The following RUNX2 variants were observed in gnomAD, a reference collection of about 807,000 sequenced individuals.
The protein encoded by RUNX2 is RUNX family transcription factor 2.
Under a neutral mutation model 51.7 loss-of-function variants are expected in RUNX2, and 10 were observed. The ratio of observed to expected loss-of-function variants is 0.19; its 90% CI spans 0.12 to 0.33. RUNX2 has a LOEUF of 0.33. Among genes scored for constraint, RUNX2 ranks in the 10% least tolerant of loss-of-function variants. The probability of loss-of-function intolerance (pLI) is 1.00; values close to 1 mark genes in which losing one functional copy is unlikely to be tolerated. For synonymous variants in RUNX2, 276 were observed against 273.6 expected (o/e 1.01, Z -0.09); for missense variants, 562 against 691.3 (o/e 0.81, Z 2.10).
At chr6:45,362,063 C>A (rs1794358648) in intron 2 of RUNX2, among the ~76,000 whole-genome samples, 1 of 152,064 alleles carries the variant, frequency 6.6e-6, no homozygotes, top group Admixed American at 6.6e-5. Context: ...AAAACAACAA[C>A]AACAACAACA....
At chr6:45,364,518 C>T (rs1049590152) in intron 2 of RUNX2, among the ~76,000 whole-genome samples, 2 of 151,108 alleles carry the variant, frequency 1.3e-5, no homozygotes, top group Non-Finnish European at 2.9e-5. Context: ...ACAAAATTGT[C>T]TCCTGAACCA....
intron 7 of RUNX2, among the ~76,000 whole-genome samples, chr6:45,538,326 C>T (rs569051164): frequency 6.6e-6 from 1 of 152,266 alleles, no homozygotes; most frequent in East Asian, 1.9e-4. Context: ...GGTCTTGTAG[C>T]CTCTGCCTCG....
At chr6:45,407,092 G>T (rs1030909642) in intron 2 of RUNX2, among the ~76,000 whole-genome samples, 1 of 152,066 alleles carries the variant, frequency 6.6e-6, no homozygotes, top group Non-Finnish European at 1.5e-5. Flanking sequence ...TGAATTTGGG[G>T]GTTATAATTC....
chr6:45,528,293 C>G (rs1801733873), intron 7 of RUNX2, among the ~76,000 whole-genome samples: 1 of 152,134 alleles, frequency 6.6e-6, no homozygotes, highest in African/African-American at 2.4e-5. Context: ...TCTTCTGTAT[C>G]TTTCATACAC....
At chr6:45,468,265 A>C (rs910652503) in intron 5 of RUNX2, among the ~76,000 whole-genome samples, 7 of 152,230 alleles carry the variant, frequency 4.6e-5, no homozygotes, top group Admixed American at 1.3e-4. Context: ...ATATATCCAC[A>C]CAATTTCTGA....
At chr6:45,408,858 A>G (rs1315795667) in intron 2 of RUNX2, among the ~76,000 whole-genome samples, 1 of 152,220 alleles carries the variant, frequency 6.6e-6, no homozygotes, top group Non-Finnish European at 1.5e-5. Flanking sequence ...TACACTGATG[A>G]ACAGCTATGG....
chr6:45,529,950 C>T (rs763764299), intron 7 of RUNX2, among the ~76,000 whole-genome samples: 2 of 152,122 alleles, frequency 1.3e-5, no homozygotes, highest in Non-Finnish European at 2.9e-5. Flanking sequence ...CCAACAACAC[C>T]GTGGTATAAT....
chr6:45,347,655 T>A (rs947069733), intron 2 of RUNX2, among the ~76,000 whole-genome samples: 4 of 151,984 alleles, frequency 2.6e-5, no homozygotes, highest in African/African-American at 7.2e-5. Context: ...GAGAAAAAAA[T>A]TTTAAATAAA....
intron 2 of RUNX2, among the ~76,000 whole-genome samples, chr6:45,404,508 C>CT (rs1475983145): frequency 6.6e-6 from 1 of 152,116 alleles, no homozygotes; most frequent in African/African-American, 2.4e-5. Flanking sequence ...CTTTCTGCAC[C>CT]TTTCCCTTTA....
At chr6:45,515,139 T>G in intron 7 of RUNX2, among the ~76,000 whole-genome samples, 1 of 152,122 alleles carries the variant, frequency 6.6e-6, no homozygotes, top group East Asian at 1.9e-4. Flanking sequence ...CAGTTTATGT[T>G]TTTGTGTGCA....
chr6:45,334,752 A>G (rs1233401900), intron 2 of RUNX2, among the ~76,000 whole-genome samples: 1 of 150,842 alleles, frequency 6.6e-6, no homozygotes, highest in African/African-American at 2.4e-5. Flanking sequence ...AATAATGATT[A>G]TAAACCAGGA....
At chr6:45,341,453 T>G (rs1345516842) in intron 2 of RUNX2, among the ~76,000 whole-genome samples, 1 of 152,176 alleles carries the variant, frequency 6.6e-6, no homozygotes, top group African/African-American at 2.4e-5. Context: ...TAACAACTTT[T>G]AAAAGCTACA....
intron 5 of RUNX2, among the ~76,000 whole-genome samples, chr6:45,482,295 G>T (rs1471304555): frequency 1.3e-5 from 2 of 152,132 alleles, no homozygotes; most frequent in Non-Finnish European, 2.9e-5. Context: ...GAAGAAAAGG[G>T]ATTATACTGT....
At chr6:45,476,507 T>G (rs1799959737) in intron 5 of RUNX2, among the ~76,000 whole-genome samples, 1 of 152,234 alleles carries the variant, frequency 6.6e-6, no homozygotes, top group Non-Finnish European at 1.5e-5. Context: ...CTCTCTGGCC[T>G]GTGCAAGTGA....
intron 5 of RUNX2, among the ~76,000 whole-genome samples, chr6:45,483,959 G>A (rs1220893439): frequency 1.3e-5 from 2 of 152,214 alleles, no homozygotes; most frequent in East Asian, 3.8e-4. Flanking sequence ...TATTTGCTGG[G>A]CTCAGGGGGC....
chr6:45,379,377 T>C (rs1009448566), intron 2 of RUNX2, among the ~76,000 whole-genome samples: 2 of 152,160 alleles, frequency 1.3e-5, no homozygotes, highest in Non-Finnish European at 2.9e-5. Context: ...AACAGAAGAT[T>C]AAGAGAAAAA....
intron 5 of RUNX2, among the ~76,000 whole-genome samples, chr6:45,487,987 G>A (rs1009865554): frequency 6.6e-6 from 1 of 152,210 alleles, no homozygotes; most frequent in African/African-American, 2.4e-5. Flanking sequence ...TGTTCATTCT[G>A]AGGTCTAAGG....
intron 6 of RUNX2, among the ~76,000 whole-genome samples, chr6:45,506,465 A>T (rs1800970579): frequency 6.6e-6 from 1 of 152,182 alleles, no homozygotes; most frequent in Non-Finnish European, 1.5e-5. Context: ...AGCACTCAAG[A>T]GTGAGTGCAT....
At chr6:45,495,938 G>A (rs941419942) in intron 6 of RUNX2, among the ~76,000 whole-genome samples, 7 of 152,264 alleles carry the variant, frequency 4.6e-5, no homozygotes, top group South Asian at 2.1e-4. Context: ...TGCAGTGCTT[G>A]TCTGATGGTG....
Sources: gnomAD v4.1 joint callset for allele counts (sites outside exome capture counted in the v4.1 genomes callset) on GRCh38, gnomAD v4.1.1 for gene constraint, MANE v1.5 for transcripts, NCBI Gene and HGNC (gene_info 2026-07-23, HGNC 2026-07-21) for gene names.